Variants in DNAH8 observed in about 807,000 individuals in gnomAD.
DNAH8 encodes the protein dynein axonemal heavy chain 8, also known as axonemal beta dynein heavy chain 8.
Under a neutral mutation model 562.1 loss-of-function variants are expected in DNAH8, and 382 were observed. The ratio of observed to expected loss-of-function variants is 0.68; its 90% CI spans 0.63 to 0.74. The LOEUF (loss-of-function observed/expected upper bound fraction) is 0.74. Ranked by LOEUF, DNAH8 falls within the 30% of genes least tolerant of loss-of-function variation. DNAH8 has a pLI of 0.00. For synonymous variants in DNAH8, 1,881 were observed against 1,919.4 expected, an observed-to-expected ratio of 0.98 and a Z score of 0.52; for missense variants, 5,203 against 5,620.4, an observed-to-expected ratio of 0.93 and a Z score of 2.37.
At chr6:38,921,684 G>A (rs139087244) in intron 71 of DNAH8, among the ~76,000 whole-genome samples, 178 bp downstream of exon 71, 258 of 152,252 alleles carry the variant, frequency 1.7e-3, no homozygotes, top group Middle Eastern at 6.8e-3. Context: ...AAACTTTACC[G>A]TCACTGATTT....
intron 30 of DNAH8, 111 bp downstream of exon 30, chr6:38,828,399 G>GT: frequency 1.7e-6 from 1 of 583,858 alleles, no homozygotes; most frequent in Non-Finnish European, 2.9e-6. Context: ...ACATAACAAT[G>GT]TTTCAGTCAA....
intron 33 of DNAH8, among the ~76,000 whole-genome samples, chr6:38,841,042 A>C (rs189366179): frequency 6.6e-6 from 1 of 152,186 alleles, no homozygotes; most frequent in Non-Finnish European, 1.5e-5. Context: ...TGAAAAATGA[A>C]TCAAGAATTG....
intron 47 of DNAH8, 26 bp downstream of exon 47, chr6:38,866,902 C>A: frequency 7.1e-7 from 1 of 1,402,106 alleles, no homozygotes; most frequent in Non-Finnish European, 1.0e-6. Context: ...TGCTTTCCTC[C>A]TAGCAATAGT....
chr6:38,912,169 A>T (rs1418793367), intron 66 of DNAH8, among the ~76,000 whole-genome samples: 2 of 152,208 alleles, frequency 1.3e-5, no homozygotes, highest in Non-Finnish European at 2.9e-5. Context: ...CAAGTTCTAA[A>T]TAAAACTTGA....
At chr6:38,811,498 T>C (rs368774359) in intron 24 of DNAH8, among the ~76,000 whole-genome samples, 56 of 152,384 alleles carry the variant, frequency 3.7e-4, no homozygotes, top group African/African-American at 1.1e-3. Flanking sequence ...TTGTCATCTG[T>C]GGCATCTTAA....
rs1562587069 is a variant in DNAH8, at chr6:38,734,552, A to C, written c.689A>C (p.Lys230Thr). ...KLYIDNAAPD[K>T]LKGLCIFFVR... ...TATATAGACAATGCAGCCCCGGATAAACTAAAAGGACTGTGCATATTTTTT... is the reference window on the plus strand; with the variant it reads ...TATATAGACAATGCAGCCCCGGATACACTAAAAGGACTGTGCATATTTTTT... The change falls in exon 5 of 93, where the codon AAA (lysine) becomes ACA (threonine). Residue 230 changes from lysine to threonine, a missense_variant. Physicochemically the swap from Lys to Thr is moderately conservative, Grantham distance 78 (BLOSUM62 -1). This residue lies in a region of DNAH8 where 556 missense variants were observed against 496.9 expected (regional missense o/e 1.12). Transcript: ENST00000327475. 6.2e-7 allele frequency: 1 copy of C among 1,613,954 alleles called. No homozygotes were observed. Among genetic ancestry groups the C allele is most frequent in the Non-Finnish European group, 8.5e-7 (1 of 1,179,998 alleles).
intron 3 of DNAH8, among the ~76,000 whole-genome samples, chr6:38,727,412 C>G (rs1763312452): frequency 6.6e-6 from 1 of 152,222 alleles, no homozygotes; most frequent in South Asian, 2.1e-4. Context: ...AATGGGAGGG[C>G]AGAAGGGGAG....
At chr6:38,787,281 A>G (rs564164197) in intron 18 of DNAH8, among the ~76,000 whole-genome samples, 1 of 152,252 alleles carries the variant, frequency 6.6e-6, no homozygotes, top group South Asian at 2.1e-4. Context: ...GAATATTTAT[A>G]AGATATAAAT....
At chr6:38,743,033 TTA>T (rs1764651658) in intron 8 of DNAH8, among the ~76,000 whole-genome samples, 1 of 139,106 alleles carries the variant, frequency 7.2e-6, no homozygotes, top group Non-Finnish European at 1.6e-5. Flanking sequence ...TTTTTTTTTT[TTA>T]AAGACAGAAT....
rs762625105 is a variant in DNAH8, at chr6:38,887,001, T to G, written c.8470T>G (p.Phe2824Val). ...TTCAAATGCTTCAATAGACAAAATT[T>G]TTGGTATGAATATTCTTAGCGTTTA... ...LPSNASIDKI[F>V]GIIGCGYFDP... Residue 2824 changes from phenylalanine to valine, a missense_variant, in exon 57 of 93, where the codon TTT becomes GTT. Physicochemically the swap from Phe to Val is conservative, Grantham distance 50. This residue lies in a region of DNAH8 where 977 missense variants were observed against 1,061.8 expected (regional missense o/e 0.92). Transcript: ENST00000327475. 6.3e-7 allele frequency: 1 copy of G among 1,596,014 alleles called. No homozygotes were observed. Among genetic ancestry groups the G allele is most frequent in the Non-Finnish European group, 8.6e-7 (1 of 1,163,744 alleles).
intron 83 of DNAH8, among the ~76,000 whole-genome samples, chr6:38,972,630 G>A (rs1216891436): frequency 2.6e-5 from 4 of 152,066 alleles, no homozygotes; most frequent in Admixed American, 6.6e-5. Context: ...AACTGTCTTT[G>A]GAATACTAGC....
At chr6:38,767,001 A>G (rs1767068622) in intron 11 of DNAH8, among the ~76,000 whole-genome samples, 1 of 152,226 alleles carries the variant, frequency 6.6e-6, no homozygotes, top group South Asian at 2.1e-4. Flanking sequence ...TTTAATTATG[A>G]TAAAAATAGC....
intron 91 of DNAH8, among the ~76,000 whole-genome samples, chr6:39,020,918 T>C (rs1766873985): frequency 6.6e-6 from 1 of 152,232 alleles, no homozygotes. Context: ...CAGTCTATCA[T>C]TGATGGACAT....
At chr6:38,777,786 G>A (rs1450951017) in intron 13 of DNAH8, among the ~76,000 whole-genome samples, 1 of 152,088 alleles carries the variant, frequency 6.6e-6, no homozygotes, top group East Asian at 1.9e-4. Context: ...CTTAGCAGTG[G>A]CAAAGAGGTT....
At chr6:38,741,524 G>T (rs1029888207) in intron 7 of DNAH8, among the ~76,000 whole-genome samples, 187 bp from the exon 8 acceptor site, 1 of 151,406 alleles carries the variant, frequency 6.6e-6, no homozygotes, top group Non-Finnish European at 1.5e-5. Context: ...GTTTGCTGGA[G>T]AATTTTAGTA....
intron 62 of DNAH8, among the ~76,000 whole-genome samples, chr6:38,904,578 G>T (rs1214077942): frequency 6.6e-6 from 1 of 151,972 alleles, no homozygotes; most frequent in Non-Finnish European, 1.5e-5. Flanking sequence ...ATCACCTGAG[G>T]TGAGGAGTTC....
In DNAH8 at chr6:38,908,497, A is replaced by T. The variant is rs79655111; in HGVS notation, c.9513+377A>T. Among the ~76,000 whole-genome samples the T allele has an allele frequency of 9.7e-3, 1,480 of 152,296 alleles. 25 individuals carry two copies. The highest frequency in any genetic ancestry group is 0.033 in the African/African-American group (1,388 of 41,554). On this transcript the variant is annotated intron_variant, in intron 64 of 92. Coordinates refer to ENST00000327475, the MANE Select transcript of DNAH8 (RefSeq NM_001206927.2). The stretch of plus-strand genomic sequence containing the variant: ...ATCTCATTGTGCTTCCCAATATAGT[A>T]GCCATTAGGCATATATGGCTACTTA...
At chr6:38,910,071 T>A (rs1051756380) in intron 65 of DNAH8, among the ~76,000 whole-genome samples, 1 of 152,258 alleles carries the variant, frequency 6.6e-6, no homozygotes, top group African/African-American at 2.4e-5. Flanking sequence ...TTAAAATTAG[T>A]TTCTTATTCA....
At chr6:38,749,535 TAAA>T (rs562568389) in intron 8 of DNAH8, among the ~76,000 whole-genome samples, 4 of 120,414 alleles carry the variant, frequency 3.3e-5, no homozygotes, top group Non-Finnish European at 5.2e-5. Flanking sequence ...GAACTTAAAG[TAAA>T]AAAAAAAAAA....
Sources: gnomAD v4.1 joint callset for allele counts (sites outside exome capture counted in the v4.1 genomes callset) on GRCh38, gnomAD v4.1.1 for gene constraint, gnomAD v4.1.1 regional missense constraint, MANE v1.5 for transcripts, NCBI Gene and HGNC (gene_info 2026-07-23, HGNC 2026-07-21) for gene names.